RBFOX1: variants seen among roughly 807,000 people sequenced by gnomAD.
The protein encoded by RBFOX1 is RNA binding protein fox-1 homolog 1.
Under a neutral mutation model 57.7 loss-of-function variants are expected in RBFOX1, and 8 were observed. The ratio of observed to expected loss-of-function variants is 0.14; its 90% CI spans 0.08 to 0.25. The LOEUF is 0.25. Ranked by LOEUF, RBFOX1 falls within the 10% of genes least tolerant of loss-of-function variation. RBFOX1 has a pLI of 1.00. For missense variants in RBFOX1, 611 were observed against 548.5 expected, an observed-to-expected ratio of 1.11 and a Z score of -1.14; for synonymous variants, 326 against 222.4, an observed-to-expected ratio of 1.47 and a Z score of -4.15.
chr16:7,411,158 T>G (rs950172890), intron 4 of RBFOX1, among the ~76,000 whole-genome samples: 4 of 152,058 alleles, frequency 2.6e-5, no homozygotes, highest in African/African-American at 7.2e-5. Context: ...GTTGGCCAGG[T>G]TGGTCTTGAA....
At chr16:7,124,561 C>CCCTCCCTTCCTTCCTT (rs1224678595) in intron 4 of RBFOX1, among the ~76,000 whole-genome samples, 1 of 129,156 alleles carries the variant, frequency 7.7e-6, no homozygotes, top group African/African-American at 3.1e-5. Context: ...CTCCCTCCCT[C>CCCTCCCTTCCTTCCTT]CCTTCCTTCC....
At chr16:7,006,229 ACTGCAT>A (rs1568336316) in intron 3 of RBFOX1, among the ~76,000 whole-genome samples, 1 of 152,022 alleles carries the variant, frequency 6.6e-6, no homozygotes, top group African/African-American at 2.4e-5. Context: ...ATCTCGGTTC[ACTGCAT>A]CCTCTGCCTC....
intron 3 of RBFOX1, among the ~76,000 whole-genome samples, chr16:6,983,224 T>G (rs563347039): frequency 6.6e-6 from 1 of 152,246 alleles, no homozygotes; most frequent in South Asian, 2.1e-4. Context: ...TCACCCGCTT[T>G]ATCCTCTTGG....
intron 2 of RBFOX1, among the ~76,000 whole-genome samples, chr16:6,381,869 G>A (rs914019149): frequency 6.6e-6 from 1 of 152,184 alleles, no homozygotes; most frequent in African/African-American, 2.4e-5. Context: ...TATAGGGCAC[G>A]GGTTTAATAG....
At chr16:5,348,550 A>C (rs1023215848) in intron 1 of RBFOX1, among the ~76,000 whole-genome samples, 1 of 152,164 alleles carries the variant, frequency 6.6e-6, no homozygotes, top group Non-Finnish European at 1.5e-5. Context: ...CCTGGGTTCA[A>C]ACCTAGGTTG....
At chr16:6,232,014 G>A (rs1363445892) in intron 1 of RBFOX1, among the ~76,000 whole-genome samples, 1 of 152,258 alleles carries the variant, frequency 6.6e-6, no homozygotes, top group Non-Finnish European at 1.5e-5. Context: ...AATATTATTA[G>A]TGTGATTAAT....
chr16:5,420,937 CCTTCCTCCTGCTTTT>C (rs1245697424), intron 1 of RBFOX1, among the ~76,000 whole-genome samples: 3 of 134,448 alleles, frequency 2.2e-5, no homozygotes, highest in South Asian at 2.6e-4. Flanking sequence ...CTCCCCCTCC[CCTTCCTCCTGCTTTT>C]CCTCCTCCTC....
At chr16:5,907,191 C>T (rs1050040964) in intron 4 of RBFOX1, among the ~76,000 whole-genome samples, 7 of 152,070 alleles carry the variant, frequency 4.6e-5, no homozygotes, top group African/African-American at 9.7e-5. Context: ...TTCAGGGCAA[C>T]GTGAACTAAG....
At chr16:6,708,861 G>C (rs1311856781) in intron 3 of RBFOX1, among the ~76,000 whole-genome samples, 1 of 152,100 alleles carries the variant, frequency 6.6e-6, no homozygotes, top group East Asian at 1.9e-4. Context: ...ATTATTTCAG[G>C]CACCAGAAGT....
At chr16:5,811,825 C>T (rs2055442960) in intron 3 of RBFOX1, among the ~76,000 whole-genome samples, 1 of 152,158 alleles carries the variant, frequency 6.6e-6, no homozygotes, top group Admixed American at 6.5e-5. Flanking sequence ...CTATGAAATA[C>T]AATATAGATC....
intron 2 of RBFOX1, among the ~76,000 whole-genome samples, chr16:6,553,431 G>T (rs2097029685): frequency 6.6e-6 from 1 of 152,180 alleles, no homozygotes; most frequent in Admixed American, 6.5e-5. Flanking sequence ...TTTGAGATAA[G>T]TTAGCTAATC....
chr16:6,616,442 C>T (rs974978890), intron 2 of RBFOX1, among the ~76,000 whole-genome samples: 2 of 151,802 alleles, frequency 1.3e-5, no homozygotes, highest in Admixed American at 6.6e-5. Context: ...TTCAGGAGGC[C>T]GAGGCGGGTG....
chr16:6,628,628 T>C (rs138843379), intron 2 of RBFOX1, among the ~76,000 whole-genome samples: 147 of 152,314 alleles, frequency 9.7e-4, no homozygotes, highest in Non-Finnish European at 1.6e-3. Context: ...TGTAAATCTT[T>C]AATGAGAGCT....
intron 4 of RBFOX1, among the ~76,000 whole-genome samples, chr16:7,349,097 C>G (rs755964217): frequency 8.5e-5 from 13 of 152,114 alleles, no homozygotes; most frequent in Non-Finnish European, 1.8e-4. Flanking sequence ...TTCATGACCA[C>G]GATGGAGGTG....
intron 4 of RBFOX1, among the ~76,000 whole-genome samples, chr16:5,984,390 G>A (rs369867771): frequency 1.3e-5 from 2 of 151,512 alleles, no homozygotes; most frequent in East Asian, 2.0e-4. Context: ...TTGAATAGAG[G>A]AAGCAAAGAA....
intron 5 of RBFOX1, among the ~76,000 whole-genome samples, chr16:7,560,928 C>T (rs749888409): frequency 2.6e-5 from 4 of 152,140 alleles, no homozygotes; most frequent in African/African-American, 9.7e-5. Context: ...CCCGTCTGGC[C>T]GAATTATGTA....
intron 2 of RBFOX1, among the ~76,000 whole-genome samples, chr16:6,390,638 C>T (rs549331989): frequency 2.7e-4 from 41 of 151,956 alleles, no homozygotes; most frequent in Middle Eastern, 6.8e-3. Context: ...TTAGTTGATG[C>T]GACAGTATAT....
chr16:5,831,874 T>G (rs17138724), intron 3 of RBFOX1, among the ~76,000 whole-genome samples: 13,336 of 152,252 alleles, frequency 0.088, 1,584 homozygotes, highest in African/African-American at 0.27. Context: ...TTTAAGTGAA[T>G]GACCCCATGC....
At chr16:6,175,026 T>A (rs8061359) in intron 1 of RBFOX1, among the ~76,000 whole-genome samples, 93,827 of 152,060 alleles carry the variant, frequency 0.62, 29,773 homozygotes, top group African/African-American at 0.76. Flanking sequence ...TTAACCATAG[T>A]GTGGTAATAG....
Sources: allele counts gnomAD v4.1 joint callset (sites outside exome capture counted in the v4.1 genomes callset), GRCh38; gene constraint gnomAD v4.1.1; transcripts MANE v1.5; gene names NCBI Gene and HGNC (gene_info 2026-07-23, HGNC 2026-07-21).